CPQ: variants seen among roughly 807,000 people sequenced by gnomAD.
The protein encoded by CPQ is Ser-Met dipeptidase.
CPQ carries 37 observed loss-of-function variants against 45.7 expected under a neutral mutation model. The observed-to-expected ratio is 0.81, with a 90% CI of 0.62 to 1.07. The LOEUF is 1.07. CPQ is among the 50% of genes least tolerant of loss of function. The probability of loss-of-function intolerance (pLI) is 0.00; values close to 1 mark genes in which losing one functional copy is unlikely to be tolerated. For missense variants in CPQ, 537 were observed against 572.9 expected, an observed-to-expected ratio of 0.94 and a Z score of 0.64; for synonymous variants, 186 against 205.8, an observed-to-expected ratio of 0.90 and a Z score of 0.82.
rs1563508418 is a variant in CPQ, at chr8:96,833,321, A to AAAAC, written c.434-1649_434-1648insCAAA. Among the ~76,000 whole-genome samples, 120 of 152,108 alleles carry AAAAC rather than the reference A, an allele frequency of 7.9e-4. 1 individual carries two copies. Among genetic ancestry groups the AAAAC allele is most frequent in the East Asian group, 1.9e-3 (10 of 5,166 alleles). On this transcript the variant is annotated intron_variant, in intron 2 of 7. Coordinates refer to ENST00000220763, the MANE Select transcript of CPQ (RefSeq NM_016134.4). Reference sequence around the variant, plus strand: ...AAAAACAAAACAAAACAAAACAAAAAAAAACTTGAATGGAAGCATAGACCA... The same window carrying AAAAC: ...AAAAACAAAACAAAACAAAACAAAAAAAACAAAACTTGAATGGAAGCATAGACCA...
chr8:96,733,384 T>C lies in CPQ; in HGVS notation c.-34-51480T>C, dbSNP rs182420524. On this transcript the variant is annotated intron_variant, in intron 1 of 7. Coordinates refer to ENST00000220763, the MANE Select transcript of CPQ (RefSeq NM_016134.4). ...AGAGGTGAAATTTGTAGATGAGGGA[T>C]TTTAATCCTTCACTTTGTATTTGAT... Among the ~76,000 whole-genome samples, 172 of 152,320 alleles carry C rather than the reference T, an allele frequency of 1.1e-3. 2 individuals are homozygous for C. The highest frequency in any genetic ancestry group is 4.0e-3 in the African/African-American group (168 of 41,572).
At chr8:96,662,741 C>T (rs944951156) in intron 1 of CPQ, among the ~76,000 whole-genome samples, 2 of 152,264 alleles carry the variant, frequency 1.3e-5, no homozygotes, top group African/African-American at 4.8e-5. Flanking sequence ...TGCATACAAT[C>T]CCAGCACTTT....
At chr8:97,071,018 C>G (rs185440570) in intron 7 of CPQ, among the ~76,000 whole-genome samples, 1 of 152,184 alleles carries the variant, frequency 6.6e-6, no homozygotes, top group African/African-American at 2.4e-5. Context: ...TACCCTCTTA[C>G]TGTGACCTGA....
At chr8:97,045,337 G>T (rs1045638292) in intron 6 of CPQ, among the ~76,000 whole-genome samples, 9 of 152,150 alleles carry the variant, frequency 5.9e-5, no homozygotes, top group Admixed American at 3.3e-4. Flanking sequence ...TAAGCCCGTC[G>T]GAAAAGCGCA....
chr8:96,814,842 A>G lies in CPQ; in HGVS notation c.434-20131A>G, dbSNP rs557501699. On this transcript the variant is annotated intron_variant, in intron 2 of 7. Coordinates refer to ENST00000220763, the MANE Select transcript of CPQ (RefSeq NM_016134.4). ...AGTCTTTGGCAATAAAAATGAATGA[A>G]GTACTGGTGCATGCTAAAAACCTCA... Among the ~76,000 whole-genome samples the G allele has an allele frequency of 1.4e-4, 22 of 152,318 alleles. No individual in the cohort carries two copies. The South Asian group carries it at 4.1e-3, about 29-fold the overall frequency.
intron 5 of CPQ, among the ~76,000 whole-genome samples, chr8:96,973,608 G>T (rs1180485979): frequency 3.9e-5 from 6 of 152,120 alleles, no homozygotes; most frequent in East Asian, 3.9e-4. Context: ...AATCTTAAGA[G>T]CTCTGAGGCA....
intron 4 of CPQ, among the ~76,000 whole-genome samples, chr8:96,880,426 A>G (rs1487195816): frequency 2.6e-5 from 4 of 151,156 alleles, no homozygotes; most frequent in Non-Finnish European, 4.4e-5. Flanking sequence ...CTGCACTCAC[A>G]TGTTTATTGC....
chr8:96,879,154 A>G (rs1812186693), intron 3 of CPQ, among the ~76,000 whole-genome samples: 1 of 152,220 alleles, frequency 6.6e-6, no homozygotes, highest in South Asian at 2.1e-4. Flanking sequence ...ACCAGTTGGG[A>G]TGGTATTTCT....
intron 7 of CPQ, 22 bp from the exon 8 acceptor site, chr8:97,142,998 A>ATTC: frequency 1.2e-6 from 2 of 1,612,264 alleles, no homozygotes; most frequent in Non-Finnish European, 1.7e-6. Context: ...TCCACTAAGA[A>ATTC]TTCTTCCTCT....
chr8:96,976,749 A>G (rs914000492), intron 5 of CPQ, among the ~76,000 whole-genome samples: 11 of 152,178 alleles, frequency 7.2e-5, no homozygotes, highest in Admixed American at 6.5e-5. Flanking sequence ...TAAAGTGGAG[A>G]AAAGACGCCT....
chr8:97,034,712 T>G (rs79527844), intron 6 of CPQ, among the ~76,000 whole-genome samples: 1 of 152,130 alleles, frequency 6.6e-6, no homozygotes, highest in African/African-American at 2.4e-5. Context: ...AATCAACTTC[T>G]GACTCTACCA....
chr8:97,102,969 A>C (rs1811340191), intron 7 of CPQ, among the ~76,000 whole-genome samples: 1 of 152,112 alleles, frequency 6.6e-6, no homozygotes, highest in Non-Finnish European at 1.5e-5. Context: ...TGAGGGGAGA[A>C]TCTATTTCCT....
At chr8:96,845,568 G>T (rs545953490) in intron 3 of CPQ, among the ~76,000 whole-genome samples, 1 of 152,128 alleles carries the variant, frequency 6.6e-6, no homozygotes, top group African/African-American at 2.4e-5. Flanking sequence ...TGTTGCCCAG[G>T]CTGGAGTACA....
At chr8:96,751,310 C>T (rs1810255516) in intron 1 of CPQ, among the ~76,000 whole-genome samples, 1 of 152,146 alleles carries the variant, frequency 6.6e-6, no homozygotes. Flanking sequence ...TGTTTCTTGA[C>T]TTTTCAATGA....
chr8:96,881,026 G>T (rs1202323311), intron 4 of CPQ, among the ~76,000 whole-genome samples: 2 of 152,096 alleles, frequency 1.3e-5, no homozygotes, highest in African/African-American at 2.4e-5. Flanking sequence ...ATTGAGAGTG[G>T]TATTTGTCCA....
At chr8:97,111,036 G>A (rs1228454074) in intron 7 of CPQ, among the ~76,000 whole-genome samples, 1 of 152,194 alleles carries the variant, frequency 6.6e-6, no homozygotes, top group Non-Finnish European at 1.5e-5. Flanking sequence ...ATAGCTATTT[G>A]CAGCCTTTTG....
At chr8:97,121,361 G>C (rs1222553021) in intron 7 of CPQ, among the ~76,000 whole-genome samples, 3 of 152,146 alleles carry the variant, frequency 2.0e-5, no homozygotes, top group Non-Finnish European at 4.4e-5. Context: ...TTGGACAACA[G>C]GAAGCCAAAG....
At chr8:96,649,833 G>A (rs781345205) in intron 1 of CPQ, among the ~76,000 whole-genome samples, 1 of 152,154 alleles carries the variant, frequency 6.6e-6, no homozygotes, top group Non-Finnish European at 1.5e-5. Context: ...TATATTTCAG[G>A]CAAGTTATTA....
At chr8:96,733,529 C>T (rs1301266111) in intron 1 of CPQ, among the ~76,000 whole-genome samples, 1 of 152,092 alleles carries the variant, frequency 6.6e-6, no homozygotes, top group African/African-American at 2.4e-5. Context: ...ATAGTGAATA[C>T]ATGGTTCAGG....
Sources: gnomAD v4.1 joint callset for allele counts (sites outside exome capture counted in the v4.1 genomes callset) on GRCh38, gnomAD v4.1.1 for gene constraint, MANE v1.5 for transcripts, NCBI Gene and HGNC (gene_info 2026-07-23, HGNC 2026-07-21) for gene names.